EIF2B3: variants seen among roughly 807,000 people sequenced by gnomAD.
EIF2B3 encodes eukaryotic translation initiation factor 2B subunit gamma, also known as translation initiation factor eIF2B subunit gamma.
A neutral mutation model predicts 54.1 loss-of-function variants in EIF2B3; 20 were observed. The observed-to-expected ratio is 0.37, with a 90% CI of 0.26 to 0.54. The LOEUF (loss-of-function observed/expected upper bound fraction) is 0.54, where lower values mean the gene tolerates loss of function less well. Among genes scored for constraint, EIF2B3 ranks in the 20% least tolerant of loss-of-function variants. EIF2B3 has a pLI of 0.86. For missense variants in EIF2B3, 448 were observed against 547.8 expected (o/e 0.82, Z 1.82); for synonymous variants, 153 against 188.1 (o/e 0.81, Z 1.52).
At chr1:44,923,854 A>G (rs1643799533) in intron 5 of EIF2B3, among the ~76,000 whole-genome samples, 1 of 150,496 alleles carries the variant, frequency 6.6e-6, no homozygotes, top group African/African-American at 2.5e-5. Flanking sequence ...CCCAGCCTGG[A>G]GTGCAGTAGT....
intron 5 of EIF2B3, among the ~76,000 whole-genome samples, chr1:44,911,521 G>A (rs1643515071): frequency 6.6e-6 from 1 of 152,092 alleles, no homozygotes; most frequent in Non-Finnish European, 1.5e-5. Flanking sequence ...CTCCCATCAT[G>A]CCCAAGCCTT....
chr1:44,958,461 C>T, intron 3 of EIF2B3: 1 of 682,226 alleles, frequency 1.5e-6, no homozygotes, highest in Non-Finnish European at 2.4e-6. Context: ...CAGTCTGGAC[C>T]TCTTTGGTGC....
intron 10 of EIF2B3, among the ~76,000 whole-genome samples, chr1:44,868,228 C>T (rs1329462881): frequency 1.3e-5 from 2 of 151,870 alleles, no homozygotes; most frequent in African/African-American, 4.8e-5. Context: ...GAAACCCCGT[C>T]TCTACTAAAA....
At chr1:44,917,684 T>G (rs1643650994) in intron 5 of EIF2B3, among the ~76,000 whole-genome samples, 1 of 150,882 alleles carries the variant, frequency 6.6e-6, no homozygotes, top group Non-Finnish European at 1.5e-5. Context: ...CCATTTTCTG[T>G]TCCCCAGATA....
intron 5 of EIF2B3, among the ~76,000 whole-genome samples, chr1:44,906,486 C>T (rs978043072): frequency 1.3e-5 from 2 of 152,298 alleles, no homozygotes; most frequent in African/African-American, 2.4e-5. Context: ...CTGCAACCTC[C>T]GCCTCTCAGG....
At chr1:44,970,250 A>C (rs1644386503) in intron 3 of EIF2B3, among the ~76,000 whole-genome samples, 1 of 152,232 alleles carries the variant, frequency 6.6e-6, no homozygotes, top group African/African-American at 2.4e-5. Flanking sequence ...GTAGGACTGC[A>C]ATACATTTAG....
At chr1:44,884,266 T>C (rs1655505285) in intron 6 of EIF2B3, among the ~76,000 whole-genome samples, 1 of 152,160 alleles carries the variant, frequency 6.6e-6, no homozygotes, top group African/African-American at 2.4e-5. Context: ...GTTACAATAT[T>C]CTGAGAGATG....
At chr1:44,941,728 A>C (rs1644025206) in intron 3 of EIF2B3, 63 bp from the exon 4 acceptor site, 1 of 1,594,146 alleles carries the variant, frequency 6.3e-7, no homozygotes, top group African/African-American at 1.3e-5. Flanking sequence ...AAATCATCAC[A>C]AGACAAAATT....
intron 11 of EIF2B3, among the ~76,000 whole-genome samples, chr1:44,857,138 A>G (rs6698951): frequency 0.43 from 65,510 of 151,982 alleles, 15,018 homozygotes; most frequent in African/African-American, 0.59. Context: ...AGATCTATTG[A>G]TATGTTTTCA....
intron 3 of EIF2B3, among the ~76,000 whole-genome samples, chr1:44,953,645 T>C (rs150361981): frequency 0.01 from 1,560 of 152,152 alleles, 26 homozygotes; most frequent in African/African-American, 0.036. Context: ...TACAAAAATT[T>C]AGCCAGGTGT....
At chr1:44,851,953 C>CT (rs10719228) in intron 11 of EIF2B3, among the ~76,000 whole-genome samples, 10,758 of 143,924 alleles carry the variant, frequency 0.075, 1,341 homozygotes, top group African/African-American at 0.26. Flanking sequence ...GTTTTAATCC[C>CT]TTTTTTTTTT....
intron 5 of EIF2B3, among the ~76,000 whole-genome samples, chr1:44,915,255 G>T (rs1201756064): frequency 6.6e-6 from 1 of 151,158 alleles, no homozygotes; most frequent in Non-Finnish European, 1.5e-5. Flanking sequence ...AGCAGAGATT[G>T]TGCCGCTGCA....
intron 4 of EIF2B3, among the ~76,000 whole-genome samples, chr1:44,930,082 T>G (rs145717450): frequency 6.6e-6 from 1 of 152,350 alleles, no homozygotes; most frequent in African/African-American, 2.4e-5. Flanking sequence ...GTATTCACGT[T>G]TTTTTCCCTA....
intron 6 of EIF2B3, among the ~76,000 whole-genome samples, chr1:44,889,231 A>G (rs1367594213): frequency 6.6e-6 from 1 of 152,244 alleles, no homozygotes; most frequent in Non-Finnish European, 1.5e-5. Flanking sequence ...GAAATTTAAA[A>G]GTGCTTTTTA....
Position 44,978,295 on chromosome 1 carries a change from G to A in EIF2B3, c.294+20C>T, listed in dbSNP as rs1298292169. On this transcript the variant is annotated intron_variant, in intron 3 of 11. Transcript: ENST00000360403. ...CATCTATCTTCAATAAACAAGAAGA[G>A]TCAAAAAATTGCTTTTCACCTTAAG... is the stretch of plus-strand genomic sequence containing the variant. 1.2e-6 allele frequency: 2 copies of A among 1,613,302 alleles called. No individual in the cohort carries two copies. The highest frequency in any genetic ancestry group is 1.7e-6 in the Non-Finnish European group (2 of 1,179,634).
At position 44,886,359 on chromosome 1, in the gene EIF2B3, C is replaced by T. The variant is rs929723117; in HGVS notation, c.657-4620G>A. ...CCTCCCAAAGTGCTGGGATTACAGG[C>T]GTTAGCCACTGTGCCCGACCCCGAT... On this transcript the variant is annotated intron_variant, in intron 6 of 11. Coordinates refer to ENST00000360403, the MANE Select transcript of EIF2B3 (RefSeq NM_020365.5). 3.9e-5 allele frequency among the ~76,000 whole-genome samples: 6 copies of T among 152,136 alleles called. No homozygotes were observed. In the East Asian group the frequency reaches 7.7e-4, roughly 20 times the overall value.
At position 44,891,097 on chromosome 1, in the gene EIF2B3, T is replaced by A. The variant is rs2210834; in HGVS notation, c.656+6258A>T. Among the ~76,000 whole-genome samples the A allele has an allele frequency of 9.1e-3, 1,390 of 152,248 alleles. 16 individuals are homozygous for A. Among genetic ancestry groups the A allele is most frequent in the African/African-American group, 0.03 (1,253 of 41,540 alleles). On this transcript the variant is annotated intron_variant, in intron 6 of 11. Coordinates refer to ENST00000360403, the MANE Select transcript of EIF2B3 (RefSeq NM_020365.5). ...GATGGGAAAAAAAAGAGACTTTTTT[T>A]AAATTTTTAAATTTTTTTAAAGATG...
chr1:44,882,283 G>A (rs558997719), intron 6 of EIF2B3, among the ~76,000 whole-genome samples: 13 of 152,286 alleles, frequency 8.5e-5, no homozygotes, highest in Admixed American at 2.6e-4. Context: ...GCCAGATCAC[G>A]AAAGCTTTTT....
At chr1:44,879,020 CA>C (rs1204056451) in intron 8 of EIF2B3, among the ~76,000 whole-genome samples, 2 of 152,144 alleles carry the variant, frequency 1.3e-5, no homozygotes, top group Non-Finnish European at 2.9e-5. Context: ...CTCGGCCTCC[CA>C]AATTGCTAGG....
Sources: gnomAD v4.1 joint callset for allele counts (sites outside exome capture counted in the v4.1 genomes callset) on GRCh38, gnomAD v4.1.1 for gene constraint, MANE v1.5 for transcripts, NCBI Gene and HGNC (gene_info 2026-07-23, HGNC 2026-07-21) for gene names.